COL22A1: variants seen among roughly 807,000 people sequenced by gnomAD.
COL22A1 encodes the protein collagen type XXII alpha 1 chain.
Under a neutral mutation model 248.9 loss-of-function variants are expected in COL22A1, and 221 were observed. The observed-to-expected ratio is 0.89, with a 90% CI of 0.80 to 0.99. COL22A1 has a LOEUF of 0.99. Ranked by LOEUF, COL22A1 falls within the 50% of genes least tolerant of loss-of-function variation. The pLI, the probability that COL22A1 is intolerant of heterozygous loss-of-function variation, is 0.00. For synonymous variants in COL22A1, 891 were observed against 793.4 expected (o/e 1.12, Z -2.07); for missense variants, 2,240 against 2,179.0 (o/e 1.03, Z -0.56).
chr8:138,688,962 G>A lies in COL22A1; in HGVS notation c.2817C>T (p.Pro939=), dbSNP rs575133419. The change falls in exon 37 of 65, where the codon CCC becomes CCT. Residue 939 remains proline, a synonymous_variant. Coordinates refer to ENST00000303045, the MANE Select transcript of COL22A1 (RefSeq NM_152888.3). Reference sequence around the variant, plus strand: ...CTTTCCCTGGGGTGCCTCTGAGGCCGGGAGCACCCTGTGGCAAGGAAGATT... The same window carrying A: ...CTTTCCCTGGGGTGCCTCTGAGGCCAGGAGCACCCTGTGGCAAGGAAGATT... ...PSGPPGSVGA[P]GLRGTPGKDG... is the part of the protein sequence containing the mutation. The A allele has an allele frequency of 1.3e-5, 21 of 1,612,944 alleles. No homozygotes were observed. Among genetic ancestry groups the A allele is most frequent in the Admixed American group, 5.0e-5 (3 of 60,002 alleles).
chr8:138,847,070 G>A (rs2318331), intron 3 of COL22A1, among the ~76,000 whole-genome samples: 76,393 of 152,030 alleles, frequency 0.5, 21,106 homozygotes, highest in East Asian at 0.7. Flanking sequence ...GGAGCCCTTC[G>A]TCAGGTCCCA....
chr8:138,655,336 T>A (rs1300392580), intron 45 of COL22A1, among the ~76,000 whole-genome samples: 3 of 152,044 alleles, frequency 2.0e-5, no homozygotes, highest in Admixed American at 2.0e-4. Flanking sequence ...GTTGGAGTGA[T>A]CAAGCACCTA....
At chr8:138,709,745 C>A (rs1225553343) in intron 30 of COL22A1, among the ~76,000 whole-genome samples, 1 of 152,098 alleles carries the variant, frequency 6.6e-6, no homozygotes, top group Non-Finnish European at 1.5e-5. Flanking sequence ...ATCTAACAAA[C>A]CTGCATCTTG....
chr8:138,829,021 A>G (rs1819817286), intron 5 of COL22A1, among the ~76,000 whole-genome samples: 1 of 152,228 alleles, frequency 6.6e-6, no homozygotes, highest in Admixed American at 6.5e-5. Flanking sequence ...CCAGACAGAC[A>G]GGAAGGGAAG....
At chr8:138,858,081 A>G (rs766755227) in intron 3 of COL22A1, among the ~76,000 whole-genome samples, 11 of 152,230 alleles carry the variant, frequency 7.2e-5, no homozygotes, top group Non-Finnish European at 1.6e-4. Flanking sequence ...GTGTGAACTA[A>G]CATCTCTTTA....
chr8:138,602,302 T>C, intron 59 of COL22A1, 143 bp from the exon 60 acceptor site: 1 of 813,906 alleles, frequency 1.2e-6, no homozygotes, highest in Non-Finnish European at 2.0e-6. Context: ...CTTTCTGATT[T>C]ATGCCTACAT....
At chr8:138,669,999 G>A (rs1466844347) in intron 41 of COL22A1, among the ~76,000 whole-genome samples, 6 of 149,726 alleles carry the variant, frequency 4.0e-5, no homozygotes, top group Admixed American at 1.3e-4. Flanking sequence ...CAATTCTCCT[G>A]CCTCAGCCTC....
intron 45 of COL22A1, among the ~76,000 whole-genome samples, chr8:138,652,176 C>A (rs1051817811): frequency 6.6e-6 from 1 of 152,244 alleles, no homozygotes; most frequent in African/African-American, 2.4e-5. Flanking sequence ...GGGCAATTCA[C>A]ACTTTCTCTG....
At chr8:138,751,620 C>CT in intron 21 of COL22A1, 109 bp from the exon 22 acceptor site, 4 of 654,688 alleles carry the variant, frequency 6.1e-6, no homozygotes, top group Admixed American at 3.3e-5. Flanking sequence ...AGTGTAATAC[C>CT]ATCCCATTCT....
chr8:138,772,242 C>T (rs745806922), intron 16 of COL22A1, among the ~76,000 whole-genome samples: 1 of 152,198 alleles, frequency 6.6e-6, no homozygotes, highest in Non-Finnish European at 1.5e-5. Flanking sequence ...GGACTGGCCA[C>T]GGGCCATGCT....
intron 32 of COL22A1, among the ~76,000 whole-genome samples, chr8:138,695,992 C>T (rs949157719): frequency 1.3e-5 from 2 of 152,126 alleles, no homozygotes; most frequent in Non-Finnish European, 2.9e-5. Context: ...GCCATATAAA[C>T]TTGGGCAAAG....
intron 37 of COL22A1, among the ~76,000 whole-genome samples, chr8:138,687,931 C>G (rs1395114654): frequency 6.6e-6 from 1 of 152,218 alleles, no homozygotes; most frequent in Non-Finnish European, 1.5e-5. Flanking sequence ...CAAAAAATAT[C>G]TCCCTGGGTA....
intron 1 of COL22A1, among the ~76,000 whole-genome samples, chr8:138,890,319 A>G (rs1353830481): frequency 6.6e-6 from 1 of 152,232 alleles, no homozygotes; most frequent in Non-Finnish European, 1.5e-5. Flanking sequence ...AGAACAAAAC[A>G]AGGATGCTTC....
At chr8:138,841,874 A>C (rs1453395344) in intron 4 of COL22A1, among the ~76,000 whole-genome samples, 1 of 152,192 alleles carries the variant, frequency 6.6e-6, no homozygotes, top group Non-Finnish European at 1.5e-5. Flanking sequence ...TGGCCAGTCC[A>C]TGGGGAAGAG....
chr8:138,610,999 G>A (rs989395899), intron 56 of COL22A1, among the ~76,000 whole-genome samples: 3 of 152,274 alleles, frequency 2.0e-5, no homozygotes, highest in African/African-American at 2.4e-5. Context: ...CCAGGAGGTC[G>A]AGGCTGCAGT....
At chr8:138,642,543 G>A (rs1821807920) in intron 47 of COL22A1, among the ~76,000 whole-genome samples, 1 of 152,108 alleles carries the variant, frequency 6.6e-6, no homozygotes. Flanking sequence ...TTTTTTTCTG[G>A]ATGGAAGCTT....
At chr8:138,670,170 G>A (rs1163108650) in intron 41 of COL22A1, among the ~76,000 whole-genome samples, 1 of 152,128 alleles carries the variant, frequency 6.6e-6, no homozygotes, top group Admixed American at 6.5e-5. Context: ...TACAGGTTGA[G>A]CCACTGCACC....
intron 3 of COL22A1, among the ~76,000 whole-genome samples, chr8:138,851,606 A>G (rs1821650857): frequency 6.6e-6 from 1 of 152,218 alleles, no homozygotes; most frequent in Non-Finnish European, 1.5e-5. Flanking sequence ...ACCAAGCACC[A>G]GTAGGTGTCA....
At position 138,644,277 on chromosome 8, in the gene COL22A1, T is replaced by A. The variant is rs1822003787; in HGVS notation, c.3501+2352A>T. ...TTTTGTTCCTCATGAAATGATTGCA[T>A]TACTTTTAAATTTTATAAAATATTG... On this transcript the variant is annotated intron_variant, in intron 47 of 64. Transcript: ENST00000303045. Among the ~76,000 whole-genome samples, 5 of 152,216 alleles carry A rather than the reference T, an allele frequency of 3.3e-5. No individual in the cohort carries two copies. In the South Asian group the frequency reaches 1.0e-3, roughly 31 times the overall value.
Sources: gnomAD v4.1 joint callset for allele counts (sites outside exome capture counted in the v4.1 genomes callset) on GRCh38, gnomAD v4.1.1 for gene constraint, MANE v1.5 for transcripts, NCBI Gene and HGNC (gene_info 2026-07-23, HGNC 2026-07-21) for gene names.